The following RTN1 variants were observed in gnomAD, a reference collection of about 807,000 sequenced individuals.
RTN1 encodes the protein reticulon 1.
Under a neutral mutation model 65.5 loss-of-function variants are expected in RTN1, and 25 were observed. The ratio of observed to expected loss-of-function variants is 0.38; its 90% confidence interval spans 0.28 to 0.53. The LOEUF is 0.53. Among genes scored for constraint, RTN1 ranks in the 20% least tolerant of loss-of-function variants. RTN1 has a pLI of 0.79. For synonymous variants in RTN1, 471 were observed against 447.6 expected (o/e 1.05, Z -0.66); for missense variants, 983 against 1,025.4 (o/e 0.96, Z 0.57).
chr14:59,833,974 T>C (rs1016389128), intron 1 of RTN1, among the ~76,000 whole-genome samples: 1 of 152,208 alleles, frequency 6.6e-6, no homozygotes, highest in Admixed American at 6.5e-5. Flanking sequence ...TCAAAACTTA[T>C]AAAGCTACAG....
intron 3 of RTN1, among the ~76,000 whole-genome samples, chr14:59,613,114 G>A (rs1882005166): frequency 6.6e-6 from 1 of 152,084 alleles, no homozygotes; most frequent in Non-Finnish European, 1.5e-5. Flanking sequence ...TATAAAAAAA[G>A]AAACTGTTTA....
rs775463825 is a variant in RTN1, at chr14:59,746,197, T to C, written c.526A>G (p.Thr176Ala). The C allele has an allele frequency of 6.2e-7, 1 of 1,611,040 alleles. No homozygotes were observed. The highest frequency in any genetic ancestry group is 8.5e-7 in the Non-Finnish European group (1 of 1,178,864). ...SGIEMTPAES[T>A]EVNKILADPL... ...TCTGCTAAGATCTTGTTCACTTCCG[T>C]GGACTCTGCAGGAGTCATCTCTATT... Residue 176 changes from threonine (T) to alanine (A), a missense_variant, in exon 2 of 9, where the codon ACG becomes GCG. By Grantham distance (58) the Thr-to-Ala change is moderately conservative. This residue lies in a region of RTN1 where 818 missense variants were observed against 801.8 expected (regional missense o/e 1.02). Coordinates refer to ENST00000267484, the MANE Select transcript of RTN1 (RefSeq NM_021136.3).
At chr14:59,843,090 C>A (rs1421195586) in intron 1 of RTN1, among the ~76,000 whole-genome samples, 2 of 151,604 alleles carry the variant, frequency 1.3e-5, no homozygotes, top group African/African-American at 4.8e-5. Context: ...TATCCACCAA[C>A]AAGTGAAGGG....
rs115080775 is a variant in RTN1, at chr14:59,779,673, C to T, written c.242-33192G>A. ...ATCCCTTTTCTGGGCATTTTCACGGCGTTTTGAAACACTTTCACCAGGCTG... is the reference window on the plus strand; with the variant it reads ...ATCCCTTTTCTGGGCATTTTCACGGTGTTTTGAAACACTTTCACCAGGCTG... On this transcript the variant is annotated intron_variant, in intron 1 of 8. Coordinates refer to ENST00000267484, the MANE Select transcript of RTN1 (RefSeq NM_021136.3). 2.3e-3 allele frequency among the ~76,000 whole-genome samples: 350 copies of T among 152,118 alleles called. 1 individual carries two copies. Among genetic ancestry groups the T allele is most frequent in the African/African-American group, 8.1e-3 (335 of 41,500 alleles).
chr14:59,749,268 A>ATATATATCTATATATATC (rs1885322774), intron 1 of RTN1, among the ~76,000 whole-genome samples: 2 of 21,094 alleles, frequency 9.5e-5, no homozygotes, highest in Non-Finnish European at 1.5e-4. Flanking sequence ...ATATATATCT[A>ATATATATCTATATATATC]TATATATATC....
intron 3 of RTN1, among the ~76,000 whole-genome samples, chr14:59,663,437 C>T (rs1405874495): frequency 6.6e-6 from 1 of 152,128 alleles, no homozygotes; most frequent in Admixed American, 6.5e-5. Context: ...GACTTCATGA[C>T]TAAAACACCA....
In RTN1 at chr14:59,825,224, A is replaced by G. The variant is rs1408994400; in HGVS notation, c.241+45166T>C. ...AGTCATGTCTATTAAAAATGTCTCC[A>G]GACATTGACAAATTTCCCCTGGGAA... On this transcript the variant is annotated intron_variant, in intron 1 of 8. Transcript: ENST00000267484. This position sits in a 1 kb window ranked among gnomAD's most constrained non-coding sequence, Gnocchi z 4.2. Among the ~76,000 whole-genome samples the G allele has an allele frequency of 6.6e-6, 1 of 152,182 alleles. No homozygotes were observed. Among genetic ancestry groups the G allele is most frequent in the African/African-American group, 2.4e-5 (1 of 41,448 alleles).
In RTN1 at chr14:59,836,501, T is replaced by G; in HGVS notation, c.241+33889A>C. Reference sequence around the variant, plus strand: ...TGCTTTTAAGAGGTTTTGGCTTTCTTGCTTTCATCTATGGATGGGCTAAAA... The same window carrying G: ...TGCTTTTAAGAGGTTTTGGCTTTCTGGCTTTCATCTATGGATGGGCTAAAA... On this transcript the variant is annotated intron_variant, in intron 1 of 8. Coordinates refer to ENST00000267484, the MANE Select transcript of RTN1 (RefSeq NM_021136.3). The surrounding 1 kb of genome is among the most constrained non-coding windows in gnomAD (Gnocchi z 4.9). 6.6e-6 allele frequency among the ~76,000 whole-genome samples: 1 copy of G among 152,246 alleles called. No homozygotes were observed. Among genetic ancestry groups the G allele is most frequent in the Non-Finnish European group, 1.5e-5 (1 of 68,046 alleles).
intron 3 of RTN1, among the ~76,000 whole-genome samples, chr14:59,661,373 A>C (rs1488744765): frequency 6.6e-6 from 1 of 152,158 alleles, no homozygotes; most frequent in Non-Finnish European, 1.5e-5. Context: ...ACAACAGAAA[A>C]AGAGGGAATC....
intron 3 of RTN1, among the ~76,000 whole-genome samples, chr14:59,701,729 T>C (rs1052281880): frequency 3.9e-5 from 6 of 152,038 alleles, no homozygotes; most frequent in Non-Finnish European, 5.9e-5. Flanking sequence ...GGTTTCTTTT[T>C]GGGGTGATGA....
At chr14:59,686,873 T>C (rs1883857225) in intron 3 of RTN1, among the ~76,000 whole-genome samples, 1 of 152,194 alleles carries the variant, frequency 6.6e-6, no homozygotes, top group Admixed American at 6.5e-5. Context: ...CCATTTTTAA[T>C]CCAGGCACAT....
At chr14:59,664,185 G>A (rs1165961403) in intron 3 of RTN1, among the ~76,000 whole-genome samples, 1 of 152,134 alleles carries the variant, frequency 6.6e-6, no homozygotes, top group Non-Finnish European at 1.5e-5. Context: ...GATGAAGCTG[G>A]AAACCATCAT....
chr14:59,616,889 T>G (rs1049411544), intron 3 of RTN1, among the ~76,000 whole-genome samples: 2 of 152,176 alleles, frequency 1.3e-5, no homozygotes, highest in African/African-American at 4.8e-5. Flanking sequence ...TCTTTCAGAG[T>G]CAGGAGGACT....
At chr14:59,850,229 A>C (rs907799580) in intron 1 of RTN1, among the ~76,000 whole-genome samples, 2 of 152,272 alleles carry the variant, frequency 1.3e-5, no homozygotes, top group Non-Finnish European at 2.9e-5. Context: ...CTCATAAACC[A>C]GTCATAAATT....
intron 3 of RTN1, among the ~76,000 whole-genome samples, chr14:59,721,545 G>A (rs1884647202): frequency 6.6e-6 from 1 of 152,178 alleles, no homozygotes; most frequent in East Asian, 1.9e-4. Context: ...GTAGTTTCGA[G>A]GTGGGGGTAG....
chr14:59,830,578 G>GA (rs1482263998), intron 1 of RTN1, among the ~76,000 whole-genome samples: 9 of 152,184 alleles, frequency 5.9e-5, no homozygotes, highest in Admixed American at 3.3e-4. Context: ...CCTTTTCCAA[G>GA]CCTTCTTTCC....
intron 8 of RTN1, 148 bp from the exon 9 acceptor site, chr14:59,596,935 C>A: frequency 3.6e-6 from 2 of 548,734 alleles, no homozygotes; most frequent in Non-Finnish European, 3.3e-6. Flanking sequence ...TGCAAATACT[C>A]TTCTATAAAG....
intron 1 of RTN1, among the ~76,000 whole-genome samples, chr14:59,839,743 A>G (rs1004749899): frequency 6.6e-6 from 1 of 152,034 alleles, no homozygotes; most frequent in African/African-American, 2.4e-5. Context: ...AATTTAACCA[A>G]CTCAAATTGA....
chr14:59,788,024 A>G (rs1886283692), intron 1 of RTN1, among the ~76,000 whole-genome samples: 2 of 152,046 alleles, frequency 1.3e-5, no homozygotes, highest in Admixed American at 1.3e-4. Context: ...TACATCTTTG[A>G]GCTCTTCACA....
Sources: allele counts gnomAD v4.1 joint callset (sites outside exome capture counted in the v4.1 genomes callset), GRCh38; gene constraint gnomAD v4.1.1; regional missense constraint gnomAD v4.1.1; non-coding constraint Gnocchi (gnomAD v3.1); transcripts MANE v1.5; gene names NCBI Gene and HGNC (gene_info 2026-07-23, HGNC 2026-07-21).